Variants in AFG1L observed in about 807,000 individuals in gnomAD.
AFG1L encodes the protein AFG1-like ATPase.
AFG1L carries 53 observed loss-of-function variants against 62.2 expected under a neutral mutation model. The observed-to-expected ratio is 0.85, with a 90% CI of 0.68 to 1.07. The LOEUF (loss-of-function observed/expected upper bound fraction) is 1.07, where lower values mean the gene tolerates loss of function less well. AFG1L is among the 50% of genes least tolerant of loss of function. The pLI, the probability that AFG1L is intolerant of heterozygous loss-of-function variation, is 0.00. For missense variants in AFG1L, 555 were observed against 590.5 expected (o/e 0.94, Z 0.62); for synonymous variants, 228 against 210.3 (o/e 1.08, Z -0.73).
At chr6:108,436,214 G>A (rs1013915079) in intron 7 of AFG1L, among the ~76,000 whole-genome samples, 1 of 151,814 alleles carries the variant, frequency 6.6e-6, no homozygotes, top group African/African-American at 2.4e-5. Context: ...TCACAATCTT[G>A]GCTCACTGCA....
intron 5 of AFG1L, chr6:108,359,683 G>A (rs1005570204): frequency 6.6e-6 from 1 of 152,230 alleles, no homozygotes; most frequent in Non-Finnish European, 1.5e-5. Context: ...GTGGCTTGGC[G>A]AATGGGCCAG....
intron 8 of AFG1L, among the ~76,000 whole-genome samples, chr6:108,448,146 A>G (rs1384224126): frequency 6.6e-6 from 1 of 152,208 alleles, no homozygotes; most frequent in Non-Finnish European, 1.5e-5. Context: ...CATAATTAAA[A>G]TTGCATACTT....
At chr6:108,322,776 G>C (rs1365012560) in intron 1 of AFG1L, among the ~76,000 whole-genome samples, 2 of 152,192 alleles carry the variant, frequency 1.3e-5, no homozygotes, top group Non-Finnish European at 2.9e-5. Flanking sequence ...GAGTACCTTT[G>C]GGAAATCTTG....
intron 7 of AFG1L, among the ~76,000 whole-genome samples, chr6:108,418,130 A>G (rs1770409908): frequency 6.6e-6 from 1 of 152,138 alleles, no homozygotes; most frequent in Admixed American, 6.6e-5. Context: ...GTTGGTATCT[A>G]TATAGCATCA....
At chr6:108,456,662 G>T (rs1267072125) in intron 8 of AFG1L, among the ~76,000 whole-genome samples, 1 of 151,890 alleles carries the variant, frequency 6.6e-6, no homozygotes. Context: ...TCTACCCTCT[G>T]CCAATCTACC....
chr6:108,452,052 TCAA>T (rs1175977656), intron 8 of AFG1L, among the ~76,000 whole-genome samples: 1 of 152,182 alleles, frequency 6.6e-6, no homozygotes, highest in Non-Finnish European at 1.5e-5. Context: ...TGAATAGCAC[TCAA>T]CAAGGTCCCC....
At chr6:108,431,597 C>CTT (rs5878977) in intron 7 of AFG1L, among the ~76,000 whole-genome samples, 57 of 98,430 alleles carry the variant, frequency 5.8e-4, no homozygotes, top group Non-Finnish European at 9.3e-4. Context: ...TTCTTTGTTG[C>CTT]TTTTTTTTTT....
At chr6:108,403,240 C>T (rs1781707701) in intron 7 of AFG1L, among the ~76,000 whole-genome samples, 1 of 151,998 alleles carries the variant, frequency 6.6e-6, no homozygotes, top group Non-Finnish European at 1.5e-5. Flanking sequence ...ATACTTTCTC[C>T]CCATGCACAT....
At chr6:108,446,189 G>A (rs552935954) in intron 7 of AFG1L, among the ~76,000 whole-genome samples, 1 of 152,050 alleles carries the variant, frequency 6.6e-6, no homozygotes, top group East Asian at 1.9e-4. Flanking sequence ...CTCAAAGTAA[G>A]AATTTGGGAT....
intron 6 of AFG1L, among the ~76,000 whole-genome samples, chr6:108,388,657 G>T (rs1218634393): frequency 3.3e-5 from 5 of 150,872 alleles, no homozygotes; most frequent in Non-Finnish European, 7.4e-5. Context: ...TCAGGAGCAG[G>T]TTGTTCAGTT....
chr6:108,309,061 T>C (rs1777310274), intron 1 of AFG1L, among the ~76,000 whole-genome samples: 1 of 152,190 alleles, frequency 6.6e-6, no homozygotes. Flanking sequence ...GTGTGTGTCC[T>C]ATTTATGAAA....
intron 1 of AFG1L, among the ~76,000 whole-genome samples, chr6:108,314,829 A>G (rs1284807345): frequency 6.6e-6 from 1 of 151,732 alleles, no homozygotes; most frequent in Non-Finnish European, 1.5e-5. Context: ...TTAAGGCCCT[A>G]CGTCATTTAG....
At chr6:108,444,487 A>G (rs990252280) in intron 7 of AFG1L, among the ~76,000 whole-genome samples, 2 of 152,182 alleles carry the variant, frequency 1.3e-5, no homozygotes, top group Non-Finnish European at 2.9e-5. Context: ...CACAAAAGGT[A>G]TTTATGGCAG....
intron 11 of AFG1L, among the ~76,000 whole-genome samples, chr6:108,517,033 C>G (rs1774923250): frequency 6.6e-6 from 1 of 152,148 alleles, no homozygotes; most frequent in African/African-American, 2.4e-5. Flanking sequence ...ACATTCCATG[C>G]TCATGGGTAG....
chr6:108,344,975 C>G, intron 2 of AFG1L: 1 of 338,812 alleles, frequency 3.0e-6, no homozygotes, highest in South Asian at 2.3e-5. Flanking sequence ...AGCAGGCCTC[C>G]CTCTGACAAG....
chr6:108,325,438 C>CT (rs60856309), intron 2 of AFG1L, among the ~76,000 whole-genome samples: 42,055 of 143,880 alleles, frequency 0.29, 7,475 homozygotes, highest in East Asian at 0.61. Flanking sequence ...GCTGTTTTGC[C>CT]TTTTTTTTTT....
At chr6:108,312,513 G>C (rs960231334) in intron 1 of AFG1L, among the ~76,000 whole-genome samples, 9 of 152,160 alleles carry the variant, frequency 5.9e-5, no homozygotes, top group Non-Finnish European at 1.3e-4. Flanking sequence ...TGCTATGCTT[G>C]AGCCACTGCA....
At chr6:108,521,152 CA>C in intron 12 of AFG1L, 1 of 152,280 alleles carries the variant, frequency 6.6e-6, no homozygotes, top group Non-Finnish European at 1.5e-5. Flanking sequence ...CCCCTGGTGC[CA>C]AAAGGTTGGT....
intron 7 of AFG1L, among the ~76,000 whole-genome samples, chr6:108,440,820 C>CAAAAAAAAAAAAAA (rs372126617): frequency 6.8e-6 from 1 of 147,598 alleles, no homozygotes. Flanking sequence ...GACTCCATCT[C>CAAAAAAAAAAAAAA]AAAAAAAGAA....
Sources: gnomAD v4.1 joint callset for allele counts (sites outside exome capture counted in the v4.1 genomes callset) on GRCh38, gnomAD v4.1.1 for gene constraint, MANE v1.5 for transcripts, NCBI Gene and HGNC (gene_info 2026-07-23, HGNC 2026-07-21) for gene names.